LRRN2: variants seen among roughly 807,000 people sequenced by gnomAD.
LRRN2 encodes the protein leucine-rich repeat neuronal protein 2.
In LRRN2, 10 loss-of-function variants were observed where a neutral mutation model predicts 35.7. The observed-to-expected ratio is 0.28, with a 90% CI of 0.17 to 0.47. The LOEUF (loss-of-function observed/expected upper bound fraction) is 0.47, where lower values mean the gene tolerates loss of function less well. Ranked by LOEUF, LRRN2 falls within the 20% of genes least tolerant of loss-of-function variation. The probability of loss-of-function intolerance (pLI) is 0.99; values close to 1 mark genes in which losing one functional copy is unlikely to be tolerated. For synonymous variants in LRRN2, 391 were observed against 409.6 expected, an observed-to-expected ratio of 0.95 and a Z score of 0.55; for missense variants, 731 against 940.3, an observed-to-expected ratio of 0.78 and a Z score of 2.91.
intron 1 of LRRN2, among the ~76,000 whole-genome samples, chr1:204,654,380 G>A (rs1668299730): frequency 6.6e-6 from 1 of 152,206 alleles, no homozygotes; most frequent in Non-Finnish European, 1.5e-5. Flanking sequence ...GAAGGCTTGG[G>A]TTTGTCCCAA....
rs377293879 is a variant in LRRN2, at chr1:204,619,296, G to A, written c.697C>T (p.Leu233=). The stretch of plus-strand genomic sequence containing the variant: ...CTCTCCAGGCTTTGCAGCCCCTCCA[G>A]GGCATAGTCGGAGATCTCCCGCAGG... ...MNLREISDYA[L]EGLQSLESLS... Residue 233 remains leucine (L), a synonymous_variant, in exon 2 of 2, where the codon CTG becomes TTG. Coordinates refer to ENST00000367177, the MANE Select transcript of LRRN2 (RefSeq NM_201630.2). The A allele has an allele frequency of 5.6e-6, 9 of 1,614,202 alleles. No individual in the cohort carries two copies. The African/African-American group carries it at 1.1e-4, about 19-fold the overall frequency.
chr1:204,682,251 G>A (rs763098331), intron 1 of LRRN2, among the ~76,000 whole-genome samples: 6 of 152,136 alleles, frequency 3.9e-5, no homozygotes, highest in Non-Finnish European at 7.4e-5. Flanking sequence ...GATGACACAG[G>A]AAAAGTCATT....
chr1:204,627,143 G>A (rs933833318), intron 1 of LRRN2: 2 of 152,286 alleles, frequency 1.3e-5, no homozygotes, highest in East Asian at 3.9e-4. Context: ...CTATTTGCTA[G>A]CCACTTTATG....
At chr1:204,676,575 A>G (rs1668829535) in intron 1 of LRRN2, among the ~76,000 whole-genome samples, 1 of 152,162 alleles carries the variant, frequency 6.6e-6, no homozygotes, top group Non-Finnish European at 1.5e-5. Context: ...TCTATGAGCA[A>G]GGTGCCCTGG....
rs780008568 is a variant in LRRN2 at position 204,618,674 on chromosome 1, C to T, written c.1319G>A (p.Ser440Asn). 2 of 1,602,186 alleles carry T rather than the reference C, an allele frequency of 1.2e-6. No individual in the cohort carries two copies. The highest frequency in any genetic ancestry group is 2.3e-5 in the South Asian group (2 of 88,690). The change falls in exon 2 of 2, where the codon AGC (serine) becomes AAC (asparagine). Residue 440 changes from serine to asparagine, a missense_variant. By Grantham distance (46) the Ser-to-Asn change is conservative. This residue lies in a region of LRRN2 where 256 missense variants were observed against 392.4 expected (regional missense o/e 0.65). Coordinates refer to ENST00000367177, the MANE Select transcript of LRRN2 (RefSeq NM_201630.2). ...PPSLQVASGE[S>N]MVLHCRALAE... ...CAGTGCCCGGCAATGCAGCACCATGCTCTCTCCACTGGCTACCTGGAGGCT... is the reference window on the plus strand; with the variant it reads ...CAGTGCCCGGCAATGCAGCACCATGTTCTCTCCACTGGCTACCTGGAGGCT...
Position 204,651,986 on chromosome 1 carries a change from G to A in LRRN2, c.-226-31768C>T, listed in dbSNP as rs534164318. 1.4e-4 allele frequency among the ~76,000 whole-genome samples: 22 copies of A among 152,344 alleles called. No individual in the cohort carries two copies. In the South Asian group the frequency reaches 3.1e-3, roughly 22 times the overall value. The stretch of plus-strand genomic sequence containing the variant: ...AGGGCCCAGGTGTCTCCCAGTGCCC[G>A]GGTACCAGGTGCCTGCTGTGGCTTT... On this transcript the variant is annotated intron_variant, in intron 1 of 1. Transcript: ENST00000367177.
chr1:204,652,346 G>A (rs933951551), intron 1 of LRRN2, among the ~76,000 whole-genome samples: 3 of 144,638 alleles, frequency 2.1e-5, no homozygotes, highest in Non-Finnish European at 3.0e-5. Context: ...CCCCTCTCCC[G>A]GTTCAGCTGG....
At chr1:204,656,760 G>A (rs933462344) in intron 1 of LRRN2, among the ~76,000 whole-genome samples, 3 of 152,164 alleles carry the variant, frequency 2.0e-5, no homozygotes, top group African/African-American at 7.2e-5. Flanking sequence ...CCTAAAGCCT[G>A]TCTTTTTCTT....
chr1:204,675,618 T>C (rs915348126), intron 1 of LRRN2, among the ~76,000 whole-genome samples: 1 of 152,202 alleles, frequency 6.6e-6, no homozygotes, highest in African/African-American at 2.4e-5. Flanking sequence ...CCCATGTGAT[T>C]ACACTGGGCC....
At chr1:204,629,087 G>C (rs1040752536) in intron 1 of LRRN2, 1 of 152,356 alleles carries the variant, frequency 6.6e-6, no homozygotes, top group African/African-American at 2.4e-5. Context: ...CTAGCAGTCT[G>C]GGCCCCAGGA....
chr1:204,617,611 T>C lies in LRRN2; in HGVS notation c.*240A>G, dbSNP rs1156664020. 1.9e-6 allele frequency: 1 copy of C among 539,988 alleles called. No individual in the cohort carries two copies. Among genetic ancestry groups the C allele is most frequent in the Non-Finnish European group, 3.3e-6 (1 of 302,136 alleles). The allele number at this position is 539,988 out of a possible 1,614,324, so 33.4% of individuals were successfully genotyped here. A position where few individuals can be genotyped will look rare whatever the true frequency, so the allele number is the denominator to read the frequency against. ...AGGAGGCTCTAGCCAAAGTCCCTCC[T>C]GTTCCTTGGAGATGTTCCTCAGAAT... On this transcript the variant is annotated 3_prime_UTR_variant, in exon 2 of 2. Coordinates refer to ENST00000367177, the MANE Select transcript of LRRN2 (RefSeq NM_201630.2).
chr1:204,669,114 T>C (rs1668651216), intron 1 of LRRN2, among the ~76,000 whole-genome samples: 1 of 152,238 alleles, frequency 6.6e-6, no homozygotes, highest in South Asian at 2.1e-4. Context: ...CATGAGCCAC[T>C]GCGCCTGACT....
intron 1 of LRRN2, among the ~76,000 whole-genome samples, chr1:204,659,939 A>G (rs943009426): frequency 1.3e-5 from 2 of 152,202 alleles, no homozygotes; most frequent in Non-Finnish European, 2.9e-5. Context: ...CCCTCTTTAC[A>G]TAATAGAGAA....
intron 1 of LRRN2, among the ~76,000 whole-genome samples, chr1:204,654,254 C>G (rs1273510976): frequency 6.6e-6 from 1 of 152,100 alleles, no homozygotes; most frequent in Non-Finnish European, 1.5e-5. Context: ...AATTAGAAGA[C>G]CCAATTACCC....
At chr1:204,661,065 C>G (rs1668461929) in intron 1 of LRRN2, among the ~76,000 whole-genome samples, 1 of 152,090 alleles carries the variant, frequency 6.6e-6, no homozygotes. Flanking sequence ...GGAGTTAGGG[C>G]TAGGTCCTGA....
At chr1:204,667,925 A>C (rs142718526) in intron 1 of LRRN2, among the ~76,000 whole-genome samples, 5 of 152,246 alleles carry the variant, frequency 3.3e-5, no homozygotes, top group South Asian at 2.1e-4. Context: ...GAGGGTGTGC[A>C]TGTCTCAAGA....
chr1:204,654,857 A>G (rs938096622), intron 1 of LRRN2, among the ~76,000 whole-genome samples: 5 of 152,212 alleles, frequency 3.3e-5, no homozygotes, highest in African/African-American at 9.7e-5. Flanking sequence ...GAAATACTGA[A>G]AACTATGAAA....
chr1:204,678,251 A>G (rs1668869266), intron 1 of LRRN2, among the ~76,000 whole-genome samples: 1 of 152,132 alleles, frequency 6.6e-6, no homozygotes, highest in Non-Finnish European at 1.5e-5. Context: ...AGGTTTCCTT[A>G]CCAGTAAAGA....
At chr1:204,636,726 C>A (rs1667844523) in intron 1 of LRRN2, among the ~76,000 whole-genome samples, 1 of 152,158 alleles carries the variant, frequency 6.6e-6, no homozygotes, top group African/African-American at 2.4e-5. Flanking sequence ...GATCGCATGA[C>A]TGCACTCCAG....
Sources: allele counts gnomAD v4.1 joint callset (sites outside exome capture counted in the v4.1 genomes callset), GRCh38; gene constraint gnomAD v4.1.1; regional missense constraint gnomAD v4.1.1; transcripts MANE v1.5; gene names NCBI Gene and HGNC (gene_info 2026-07-23, HGNC 2026-07-21).